Variants in LPP observed in about 807,000 individuals in gnomAD.
The protein encoded by LPP is LIM domain containing preferred translocation partner in lipoma.
LPP carries 38 observed loss-of-function variants against 60.4 expected under a neutral mutation model. The observed-to-expected ratio is 0.63, with a 90% CI of 0.49 to 0.83. LPP has a LOEUF of 0.83. Among genes scored for constraint, LPP ranks in the 40% least tolerant of loss-of-function variants. The probability of loss-of-function intolerance (pLI) is 0.00; values close to 1 mark genes in which losing one functional copy is unlikely to be tolerated. For synonymous variants in LPP, 328 were observed against 290.8 expected, an observed-to-expected ratio of 1.13 and a Z score of -1.30; for missense variants, 902 against 783.6, an observed-to-expected ratio of 1.15 and a Z score of -1.80.
chr3:188,359,259 C>T (rs965283289), intron 3 of LPP, among the ~76,000 whole-genome samples: 1 of 152,120 alleles, frequency 6.6e-6, no homozygotes, highest in African/African-American at 2.4e-5. Context: ...TGTTATGTGT[C>T]AGTTAGAAAG....
chr3:188,815,722 G>A (rs1752286652), intron 9 of LPP, among the ~76,000 whole-genome samples: 1 of 152,122 alleles, frequency 6.6e-6, no homozygotes, highest in Non-Finnish European at 1.5e-5. Context: ...CCAAGCAGCT[G>A]GTCTTCCAAT....
intron 6 of LPP, among the ~76,000 whole-genome samples, chr3:188,544,618 G>C (rs1164572838): frequency 2.3e-5 from 3 of 128,816 alleles, no homozygotes; most frequent in Non-Finnish European, 4.8e-5. Flanking sequence ...GTGCTGGAGA[G>C]GATGTGGAGA....
At chr3:188,645,809 C>CAA (rs397745386) in intron 7 of LPP, among the ~76,000 whole-genome samples, 4 of 135,474 alleles carry the variant, frequency 3.0e-5, no homozygotes, top group African/African-American at 1.1e-4. Flanking sequence ...AATATAAGTT[C>CAA]AAAAAAAAAA....
intron 9 of LPP, among the ~76,000 whole-genome samples, chr3:188,859,046 G>A (rs939315484): frequency 3.5e-5 from 5 of 144,104 alleles, no homozygotes; most frequent in African/African-American, 1.0e-4. Context: ...CCGAGATCGC[G>A]CCACTGCACT....
At chr3:188,865,677 T>C (rs939172290) in intron 9 of LPP, among the ~76,000 whole-genome samples, 4 of 118,006 alleles carry the variant, frequency 3.4e-5, no homozygotes, top group Non-Finnish European at 5.2e-5. Flanking sequence ...ATCCAGCCCA[T>C]TGTCTGTTTT....
intron 3 of LPP, among the ~76,000 whole-genome samples, chr3:188,348,447 T>C (rs1035218360): frequency 5.9e-5 from 9 of 152,242 alleles, no homozygotes; most frequent in Non-Finnish European, 1.3e-4. Context: ...CGTGCGTGGC[T>C]GAAACCATAC....
chr3:188,727,840 T>G (rs965415389), intron 8 of LPP, among the ~76,000 whole-genome samples: 2 of 152,156 alleles, frequency 1.3e-5, no homozygotes, highest in Non-Finnish European at 2.9e-5. Flanking sequence ...ATCAAGAGCC[T>G]AGATCTTCAT....
intron 1 of LPP, among the ~76,000 whole-genome samples, chr3:188,174,450 C>T (rs1722490987): frequency 6.6e-6 from 1 of 152,184 alleles, no homozygotes; most frequent in Non-Finnish European, 1.5e-5. Context: ...GGCATTGATA[C>T]CCGAGGAACG....
At chr3:188,168,229 T>A (rs1363560339) in intron 1 of LPP, among the ~76,000 whole-genome samples, 1 of 152,250 alleles carries the variant, frequency 6.6e-6, no homozygotes, top group Non-Finnish European at 1.5e-5. Context: ...CCTCTTCATT[T>A]AACATGTGTG....
chr3:188,685,721 C>A (rs572253252), intron 7 of LPP, among the ~76,000 whole-genome samples: 1 of 152,262 alleles, frequency 6.6e-6, no homozygotes, highest in East Asian at 1.9e-4. Context: ...TTATTCACCT[C>A]TCAATCAAAG....
intron 4 of LPP, among the ~76,000 whole-genome samples, chr3:188,410,104 C>T (rs1784552514): frequency 6.6e-6 from 1 of 152,178 alleles, no homozygotes; most frequent in Non-Finnish European, 1.5e-5. Context: ...GAGTCAGGGG[C>T]TGCCTGACTC....
chr3:188,638,125 G>A (rs1455213356), intron 7 of LPP, among the ~76,000 whole-genome samples: 1 of 141,050 alleles, frequency 7.1e-6, no homozygotes, highest in Non-Finnish European at 1.6e-5. Context: ...ATAAAATACT[G>A]GCAAAACGAA....
intron 3 of LPP, among the ~76,000 whole-genome samples, chr3:188,350,622 A>G (rs1435457132): frequency 6.6e-6 from 1 of 152,226 alleles, no homozygotes; most frequent in Non-Finnish European, 1.5e-5. Flanking sequence ...AAAGTCTCTT[A>G]TCACACAGCC....
rs551723259 is a variant in LPP at position 188,680,600 on chromosome 3, T to A, written c.1114-27667T>A. Among the ~76,000 whole-genome samples the A allele has an allele frequency of 7.2e-5, 11 of 152,310 alleles. No homozygotes were observed. The South Asian group carries it at 1.9e-3, about 26-fold the overall frequency. ...AGTAGCAGAAAATAACAGTGATGCATTCAGACAGCAAAAAGAGAAAATAAT... is the reference window on the plus strand; with the variant it reads ...AGTAGCAGAAAATAACAGTGATGCAATCAGACAGCAAAAAGAGAAAATAAT... On this transcript the variant is annotated intron_variant, in intron 7 of 11. Transcript: ENST00000617246.
intron 4 of LPP, among the ~76,000 whole-genome samples, chr3:188,472,353 G>C (rs1414159733): frequency 6.6e-6 from 1 of 151,832 alleles, no homozygotes; most frequent in African/African-American, 2.4e-5. Flanking sequence ...TAAATTTTTA[G>C]AGCAAGTACC....
chr3:188,248,480 A>T (rs574011521), intron 2 of LPP, among the ~76,000 whole-genome samples: 40 of 130,662 alleles, frequency 3.1e-4, no homozygotes, highest in South Asian at 7.3e-4. Flanking sequence ...ATATATATAT[A>T]TATATATATA....
intron 3 of LPP, among the ~76,000 whole-genome samples, chr3:188,344,142 A>G (rs983452809): frequency 6.6e-6 from 1 of 152,206 alleles, no homozygotes; most frequent in South Asian, 2.1e-4. Flanking sequence ...CCTCTTGTAG[A>G]CGGTTGATTA....
chr3:188,389,775 C>CAAAA lies in LPP; in HGVS notation c.-9-16321_-9-16318dup, dbSNP rs56304365. 8.3e-3 allele frequency among the ~76,000 whole-genome samples: 708 copies of CAAAA among 85,166 alleles called. 49 individuals carry two copies. The highest frequency in any genetic ancestry group is 0.013 in the African/African-American group (244 of 19,062). The allele number at this position is 85,166 out of a possible 152,430, so 55.9% of individuals were successfully genotyped here. A position where few individuals can be genotyped will look rare whatever the true frequency, so the allele number is the denominator to read the frequency against. On this transcript the variant is annotated intron_variant, in intron 3 of 11. Transcript: ENST00000617246. ...TGGGCAACAGAGTGGGACTCCGTCT[C>CAAAA]AAAAAAAAAAAAAAAAAAATGGGAC...
At chr3:188,395,652 G>A (rs1339383968) in intron 3 of LPP, among the ~76,000 whole-genome samples, 1 of 151,960 alleles carries the variant, frequency 6.6e-6, no homozygotes, top group Admixed American at 6.6e-5. Flanking sequence ...TAAATTACAG[G>A]CCAGGTGTGA....
Sources: gnomAD v4.1 joint callset for allele counts (sites outside exome capture counted in the v4.1 genomes callset) on GRCh38, gnomAD v4.1.1 for gene constraint, MANE v1.5 for transcripts, NCBI Gene and HGNC (gene_info 2026-07-23, HGNC 2026-07-21) for gene names.